The following PSPC1 variants were observed in gnomAD, a reference collection of about 807,000 sequenced individuals.
PSPC1 encodes the protein paraspeckle protein 1.
A neutral mutation model predicts 51.6 loss-of-function variants in PSPC1; 14 were observed. The observed-to-expected ratio is 0.27, with a 90% CI of 0.18 to 0.42. The LOEUF (loss-of-function observed/expected upper bound fraction) is 0.42, where lower values mean the gene tolerates loss of function less well. Ranked by LOEUF, PSPC1 falls within the 10% of genes least tolerant of loss-of-function variation. The probability of loss-of-function intolerance (pLI) is 1.00; values close to 1 mark genes in which losing one functional copy is unlikely to be tolerated. For synonymous variants in PSPC1, 193 were observed against 231.9 expected (o/e 0.83, Z 1.53); for missense variants, 406 against 701.1 (o/e 0.58, Z 4.75).
chr13:19,725,828 A>G (rs1302170109), intron 6 of PSPC1, among the ~76,000 whole-genome samples: 1 of 152,186 alleles, frequency 6.6e-6, no homozygotes, highest in Non-Finnish European at 1.5e-5. Flanking sequence ...GCAGGGTACT[A>G]TTCACGTAGA....
At position 19,734,991 on chromosome 13, in the gene PSPC1, AAC is replaced by A. The variant is rs1325702525; in HGVS notation, c.1053-4649_1053-4648del. On this transcript the variant is annotated intron_variant, in intron 5 of 8. Transcript: ENST00000338910. ...AGACTCCGTCTCAAAAAATCAAACA[AAC>A]AAACAAACAAAAAAAACAAAGAAAG... Among the ~76,000 whole-genome samples the A allele has an allele frequency of 1.4e-4, 11 of 76,438 alleles. No homozygotes were observed. The Admixed American group carries it at 1.7e-3, about 12-fold the overall frequency. 50.1% of individuals were successfully genotyped at this position (76,438 alleles called of 152,430 possible).
chr13:19,756,324 C>T (rs1169841754), intron 3 of PSPC1, among the ~76,000 whole-genome samples: 4 of 152,108 alleles, frequency 2.6e-5, no homozygotes, highest in African/African-American at 9.7e-5. Context: ...TAAAACCCTT[C>T]GCTCCTTCCT....
chr13:19,720,143 A>C (rs896299557), intron 6 of PSPC1, among the ~76,000 whole-genome samples: 17 of 152,226 alleles, frequency 1.1e-4, no homozygotes, highest in African/African-American at 4.1e-4. Flanking sequence ...CTCCTAAAAA[A>C]AACAATGAGC....
chr13:19,722,334 A>C (rs1428793226), intron 6 of PSPC1, among the ~76,000 whole-genome samples: 2 of 151,078 alleles, frequency 1.3e-5, no homozygotes, highest in African/African-American at 4.9e-5. Context: ...CCAACTCTAC[A>C]AAAAAAATGT....
intron 6 of PSPC1, among the ~76,000 whole-genome samples, chr13:19,679,461 G>C (rs1266465103): frequency 6.6e-6 from 1 of 152,130 alleles, no homozygotes. Context: ...ACACCACTGT[G>C]CTCCAGCCTG....
chr13:19,673,717 A>G (rs550547498), downstream of PSPC1, among the ~76,000 whole-genome samples: 1 of 152,336 alleles, frequency 6.6e-6, no homozygotes, highest in East Asian at 1.9e-4. Flanking sequence ...GTTTATCAGG[A>G]AGGCGGGGCT....
At chr13:19,771,870 A>C (rs992307763) in intron 2 of PSPC1, among the ~76,000 whole-genome samples, 3 of 152,170 alleles carry the variant, frequency 2.0e-5, no homozygotes, top group East Asian at 1.9e-4. Context: ...TGATCCGCGC[A>C]CTGAAAGTCT....
At chr13:19,683,394 T>C (rs1473321338) in intron 6 of PSPC1, among the ~76,000 whole-genome samples, 6 of 152,154 alleles carry the variant, frequency 3.9e-5, no homozygotes, top group East Asian at 3.9e-4. Context: ...TTATGTGAAG[T>C]GGAAGAAGCC....
intron 3 of PSPC1, among the ~76,000 whole-genome samples, chr13:19,757,388 C>A (rs544871677): frequency 6.6e-6 from 1 of 152,194 alleles, no homozygotes; most frequent in Admixed American, 6.5e-5. Context: ...TAGAGCAGGG[C>A]GAGAGTTCCG....
chr13:19,741,552 G>C lies in PSPC1; in HGVS notation c.1052+13C>G, dbSNP rs757197512. 2.2e-5 allele frequency: 33 copies of C among 1,525,650 alleles called. No homozygotes were observed. The highest frequency in any genetic ancestry group is 3.0e-5 in the Non-Finnish European group (33 of 1,112,444). 94.5% of individuals were successfully genotyped at this position (1,525,650 alleles called of 1,614,324 possible). On this transcript the variant is annotated intron_variant, in intron 5 of 8. Coordinates refer to ENST00000338910, the MANE Select transcript of PSPC1 (RefSeq NM_001354909.2). ...ACATACAATTCATGTTTCTTAAAATGATCTTCTTTTACCTTAGTTGTATTT... is the reference window on the plus strand; with the variant it reads ...ACATACAATTCATGTTTCTTAAAATCATCTTCTTTTACCTTAGTTGTATTT...
At position 19,705,471 on chromosome 13, in the gene PSPC1, A is replaced by G. The variant is rs373269748; in HGVS notation, c.1386+191T>C. Among the ~76,000 whole-genome samples, 693 of 152,082 alleles carry G rather than the reference A, an allele frequency of 4.6e-3. 5 individuals carry two copies. The highest frequency in any genetic ancestry group is 0.027 in the South Asian group (128 of 4,812). Reference sequence around the variant, plus strand: ...TCGTGCCATGCACACCAGCCTCGGCAATAGTGCGAGACTCTCTGTCTCAAA... The same window carrying G: ...TCGTGCCATGCACACCAGCCTCGGCGATAGTGCGAGACTCTCTGTCTCAAA... On this transcript the variant is annotated intron_variant, in intron 8 of 8. Transcript: ENST00000338910.
chr13:19,760,844 C>T (rs570460545), intron 2 of PSPC1, among the ~76,000 whole-genome samples: 1 of 151,860 alleles, frequency 6.6e-6, no homozygotes, highest in African/African-American at 2.4e-5. Context: ...AAAAATTAGC[C>T]GGGCGTGGTG....
chr13:19,769,166 A>C (rs1358667765), intron 2 of PSPC1, among the ~76,000 whole-genome samples: 1 of 150,892 alleles, frequency 6.6e-6, no homozygotes, highest in Admixed American at 6.6e-5. Flanking sequence ...AAAATTAATA[A>C]TAGGCTGGGC....
At chr13:19,697,284 A>C (rs1879375510) in intron 6 of PSPC1, among the ~76,000 whole-genome samples, 1 of 152,138 alleles carries the variant, frequency 6.6e-6, no homozygotes, top group African/African-American at 2.4e-5. Flanking sequence ...TGTTTTAATG[A>C]GCCTCCCAGG....
intron 5 of PSPC1, among the ~76,000 whole-genome samples, chr13:19,737,487 G>T (rs550181029): frequency 6.6e-6 from 1 of 152,130 alleles, no homozygotes; most frequent in Non-Finnish European, 1.5e-5. Flanking sequence ...CAGAAATAAT[G>T]TTATATCCCA....
chr13:19,740,620 C>T (rs1198703417), intron 5 of PSPC1, among the ~76,000 whole-genome samples: 1 of 152,122 alleles, frequency 6.6e-6, no homozygotes, highest in Non-Finnish European at 1.5e-5. Context: ...ACTATCATAG[C>T]TTTGTTTATA....
rs1285334357 is a variant in PSPC1 at position 19,709,708 on chromosome 13, A to G, written c.1159-109T>C. 5.2e-4 allele frequency: 549 copies of G among 1,061,288 alleles called. 1 individual carries two copies. The highest frequency in any genetic ancestry group is 6.8e-4 in the Non-Finnish European group (493 of 729,448). The allele number at this position is 1,061,288 out of a possible 1,614,324, so 65.7% of individuals were successfully genotyped here. A position where few individuals can be genotyped will look rare whatever the true frequency, so the allele number is the denominator to read the frequency against. On this transcript the variant is annotated intron_variant, in intron 6 of 8. Transcript: ENST00000338910. ...AATTGGGACATCATTTTTCATTAAA[A>G]ATTTTGAAAAGTTTCCATCATCATA...
downstream of PSPC1, among the ~76,000 whole-genome samples, chr13:19,699,116 ATT>A (rs1238657176): frequency 2.6e-5 from 4 of 151,952 alleles, no homozygotes; most frequent in African/African-American, 9.7e-5. Flanking sequence ...AATCATTAAT[ATT>A]GTTATTCCAT....
chr13:19,780,373 G>A (rs1411891250), intron 1 of PSPC1, among the ~76,000 whole-genome samples: 98 of 92,264 alleles, frequency 1.1e-3, no homozygotes, highest in African/African-American at 3.2e-3. Flanking sequence ...ATAGAAAGGC[G>A]GGAAAGGTGG....
Sources: gnomAD v4.1 joint callset for allele counts (sites outside exome capture counted in the v4.1 genomes callset) on GRCh38, gnomAD v4.1.1 for gene constraint, MANE v1.5 for transcripts, NCBI Gene and HGNC (gene_info 2026-07-23, HGNC 2026-07-21) for gene names.